EPHB1: variants seen among roughly 807,000 people sequenced by gnomAD.
EPHB1 encodes ephrin type-B receptor 1.
A neutral mutation model predicts 94.4 loss-of-function variants in EPHB1; 30 were observed. The observed-to-expected ratio is 0.32, with a 90% CI of 0.24 to 0.43. EPHB1 has a LOEUF of 0.43. Among genes scored for constraint, EPHB1 ranks in the 20% least tolerant of loss-of-function variants. The pLI is 1.00. For synonymous variants in EPHB1, 522 were observed against 489.1 expected, an observed-to-expected ratio of 1.07 and a Z score of -0.89; for missense variants, 1,055 against 1,308.3, an observed-to-expected ratio of 0.81 and a Z score of 2.99.
At chr3:135,057,645 C>G (rs997578923) in intron 3 of EPHB1, among the ~76,000 whole-genome samples, 1 of 152,180 alleles carries the variant, frequency 6.6e-6, no homozygotes, top group Non-Finnish European at 1.5e-5. Context: ...TTTGCAGGTT[C>G]TCTGAGTATG....
chr3:134,810,887 C>G (rs1345250512), intron 1 of EPHB1, among the ~76,000 whole-genome samples: 1 of 152,142 alleles, frequency 6.6e-6, no homozygotes, highest in Non-Finnish European at 1.5e-5. Context: ...CTAAGCCTAG[C>G]AGGGTACTGG....
At chr3:134,889,074 C>T (rs528422692) in intron 1 of EPHB1, among the ~76,000 whole-genome samples, 26 of 152,190 alleles carry the variant, frequency 1.7e-4, no homozygotes, top group African/African-American at 6.0e-4. Flanking sequence ...CTGCTCAGTG[C>T]GATGGAAGCT....
intron 3 of EPHB1, among the ~76,000 whole-genome samples, chr3:134,991,378 C>G (rs886856364): frequency 1.3e-5 from 2 of 152,334 alleles, no homozygotes; most frequent in Admixed American, 6.5e-5. Flanking sequence ...TTGTTAAATA[C>G]TCGCAACCAG....
intron 3 of EPHB1, among the ~76,000 whole-genome samples, chr3:135,094,613 C>T (rs1228143367): frequency 6.6e-6 from 1 of 152,246 alleles, no homozygotes; most frequent in African/African-American, 2.4e-5. Context: ...CCTTCTCCAG[C>T]CTCAGTTTCC....
chr3:135,004,976 G>A lies in EPHB1; in HGVS notation c.805+52924G>A, dbSNP rs1032916312. The stretch of plus-strand genomic sequence containing the variant: ...TCTCAGCTCATCAAAGTCATTCTCC[G>A]TCCAGCTTTGTTCCGTTGCTGGTGA... On this transcript the variant is annotated intron_variant, in intron 3 of 15. Coordinates refer to ENST00000398015, the MANE Select transcript of EPHB1 (RefSeq NM_004441.5). 1.4e-3 allele frequency among the ~76,000 whole-genome samples: 212 copies of A among 152,294 alleles called. 1 individual carries two copies. Among genetic ancestry groups the A allele is most frequent in the African/African-American group, 4.6e-3 (192 of 41,558 alleles).
intron 3 of EPHB1, among the ~76,000 whole-genome samples, chr3:135,038,799 A>T: frequency 6.6e-6 from 1 of 152,052 alleles, no homozygotes; most frequent in East Asian, 1.9e-4. Flanking sequence ...AGCAAGATTT[A>T]TTGCAAAGAG....
intron 3 of EPHB1, among the ~76,000 whole-genome samples, chr3:135,072,883 G>T (rs558673939): frequency 2.6e-5 from 4 of 151,870 alleles, no homozygotes; most frequent in Non-Finnish European, 5.9e-5. Flanking sequence ...TTTTCTTCTT[G>T]ATCTGTTTTG....
At chr3:135,094,297 C>T (rs537580096) in intron 3 of EPHB1, among the ~76,000 whole-genome samples, 143 of 152,366 alleles carry the variant, frequency 9.4e-4, no homozygotes, top group African/African-American at 3.2e-3. Context: ...AAGGACCAGG[C>T]CCTGCCCCTT....
intron 3 of EPHB1, among the ~76,000 whole-genome samples, chr3:135,018,209 C>A (rs1935866426): frequency 6.6e-6 from 1 of 152,180 alleles, no homozygotes; most frequent in African/African-American, 2.4e-5. Context: ...CCATCTTCCC[C>A]ATGTTCTGAC....
At chr3:134,913,969 C>A (rs2038511499) in intron 1 of EPHB1, among the ~76,000 whole-genome samples, 1 of 152,194 alleles carries the variant, frequency 6.6e-6, no homozygotes, top group African/African-American at 2.4e-5. Context: ...AAGTCCATCC[C>A]AGATGCCCTC....
intron 12 of EPHB1, among the ~76,000 whole-genome samples, chr3:135,217,824 C>T (rs1398084487): frequency 1.3e-5 from 2 of 152,170 alleles, no homozygotes; most frequent in Non-Finnish European, 2.9e-5. Flanking sequence ...AAGCTGTCTG[C>T]ACTTTGCTGC....
At chr3:135,240,772 G>T (rs931404598) in intron 12 of EPHB1, among the ~76,000 whole-genome samples, 1 of 152,066 alleles carries the variant, frequency 6.6e-6, no homozygotes, top group Non-Finnish European at 1.5e-5. Flanking sequence ...CTTTTACATT[G>T]CCAGGGAGCA....
At chr3:134,898,327 A>G (rs973605863) in intron 1 of EPHB1, among the ~76,000 whole-genome samples, 10 of 152,214 alleles carry the variant, frequency 6.6e-5, no homozygotes, top group Non-Finnish European at 1.3e-4. Context: ...GATGACACCA[A>G]GTGCTGCTCA....
intron 12 of EPHB1, among the ~76,000 whole-genome samples, chr3:135,220,372 C>T (rs551882656): frequency 6.6e-6 from 1 of 152,284 alleles, no homozygotes; most frequent in South Asian, 2.1e-4. Flanking sequence ...CAAGTAAGCT[C>T]TTTCTCTGTG....
At chr3:135,015,095 G>A (rs55912160) in intron 3 of EPHB1, among the ~76,000 whole-genome samples, 1 of 151,974 alleles carries the variant, frequency 6.6e-6, no homozygotes, top group Non-Finnish European at 1.5e-5. Flanking sequence ...TCCACCTCTG[G>A]TCCTGACTCC....
At chr3:135,243,815 C>A (rs927531811) in intron 13 of EPHB1, among the ~76,000 whole-genome samples, 5 of 152,198 alleles carry the variant, frequency 3.3e-5, no homozygotes, top group African/African-American at 1.2e-4. Flanking sequence ...CCAGAGAGAG[C>A]AACTTGGAAG....
At chr3:135,215,823 G>C (rs562569348) in intron 12 of EPHB1, among the ~76,000 whole-genome samples, 16 of 152,154 alleles carry the variant, frequency 1.1e-4, no homozygotes, top group Non-Finnish European at 1.9e-4. Context: ...TGCATGTCAC[G>C]TGAGTTCCCA....
intron 12 of EPHB1, among the ~76,000 whole-genome samples, chr3:135,204,002 T>C (rs1369105003): frequency 1.3e-5 from 2 of 152,122 alleles, no homozygotes; most frequent in East Asian, 3.9e-4. Context: ...AATTTTTAAT[T>C]TTAATTTTTT....
At chr3:134,828,342 G>A (rs189777336) in intron 1 of EPHB1, among the ~76,000 whole-genome samples, 202 of 152,328 alleles carry the variant, frequency 1.3e-3, no homozygotes, top group African/African-American at 4.6e-3. Flanking sequence ...GAAGTTTGGT[G>A]TGGTTCTCAC....
Sources: allele counts gnomAD v4.1 joint callset (sites outside exome capture counted in the v4.1 genomes callset), GRCh38; gene constraint gnomAD v4.1.1; transcripts MANE v1.5; gene names NCBI Gene and HGNC (gene_info 2026-07-23, HGNC 2026-07-21).